The following DLST variants were observed in gnomAD, a reference collection of about 807,000 sequenced individuals.
The protein encoded by DLST is dihydrolipoyllysine-residue succinyltransferase component of 2-oxoglutarate dehydrogenase complex, mitochondrial.
Under a neutral mutation model 53.1 loss-of-function variants are expected in DLST, and 17 were observed. The ratio of observed to expected loss-of-function variants is 0.32; its 90% CI spans 0.22 to 0.48. DLST has a LOEUF of 0.48. Ranked by LOEUF, DLST falls within the 20% of genes least tolerant of loss-of-function variation. The pLI is 0.99. For missense variants in DLST, 512 were observed against 583.9 expected (o/e 0.88, Z 1.27); for synonymous variants, 206 against 204.8 (o/e 1.01, Z -0.05).
At chr14:74,891,945 A>T (rs959050341) in intron 7 of DLST, 32 of 718,762 alleles carry the variant, frequency 4.5e-5, no homozygotes, top group Middle Eastern at 6.9e-4. Context: ...TCTTAGCACT[A>T]ACCCTGGATA....
rs988913769 is a variant in DLST, at chr14:74,900,429, A to G, written c.1059+57A>G. 4 of 1,518,574 alleles carry G rather than the reference A, an allele frequency of 2.6e-6. No homozygotes were observed. In the Admixed American group the frequency reaches 6.7e-5, roughly 25 times the overall value. 94.1% of individuals were successfully genotyped at this position (1,518,574 alleles called of 1,614,324 possible). A position where few individuals can be genotyped will look rare whatever the true frequency, so the allele number is the denominator to read the frequency against. On this transcript the variant is annotated intron_variant, in intron 13 of 14. Transcript: ENST00000334220. Reference sequence around the variant, plus strand: ...GCAGGCGAGGGAAGAGAGCCTTCAGAAGGCTGGGCTCACTAGCAAGCAGTG... The same window carrying G: ...GCAGGCGAGGGAAGAGAGCCTTCAGGAGGCTGGGCTCACTAGCAAGCAGTG...
At position 74,891,807 on chromosome 14, in the gene DLST, A is replaced by G. The variant is rs1005778973; in HGVS notation, c.442+640A>G. On this transcript the variant is annotated intron_variant, in intron 7 of 14. Transcript: ENST00000334220. ...AGTCACAGAAGTCTATTTCTTTTTC[A>G]CTGTTACACTAATAAGGCAGATAGA... 11 of 985,292 alleles carry G rather than the reference A, an allele frequency of 1.1e-5. No homozygotes were observed. In the African/African-American group the frequency reaches 1.6e-4, roughly 14 times the overall value. 61.0% of individuals were successfully genotyped at this position (985,292 alleles called of 1,614,324 possible). A position where few individuals can be genotyped will look rare whatever the true frequency, so the allele number is the denominator to read the frequency against.
chr14:74,900,449 G>T, intron 13 of DLST, 77 bp downstream of exon 13: 1 of 1,350,454 alleles, frequency 7.4e-7, no homozygotes, highest in Non-Finnish European at 1.1e-6. Context: ...TCACTAGCAA[G>T]CAGTGCTCAT....
chr14:74,901,146 C>T lies in DLST; in HGVS notation c.1140C>T (p.Leu380=), dbSNP rs1170840523. ...GCAATGGAGGCGTTTTTGGCTCGCT[C>T]TTTGGAACACCCATTATCAACCCCC... ...TISNGGVFGS[L]FGTPIINPPQ... is the part of the protein sequence containing the mutation. Residue 380 remains leucine (L), a synonymous_variant, in exon 14 of 15, where the codon CTC becomes CTT. Transcript: ENST00000334220. 6.2e-7 allele frequency: 1 copy of T among 1,614,182 alleles called. No homozygotes were observed. Among genetic ancestry groups the T allele is most frequent in the Non-Finnish European group, 8.5e-7 (1 of 1,180,030 alleles).
At chr14:74,898,230 A>C in intron 10 of DLST, 139 bp from the exon 11 acceptor site, 2 of 1,061,120 alleles carry the variant, frequency 1.9e-6, no homozygotes, top group Non-Finnish European at 2.7e-6. Context: ...CCTCAGGTAG[A>C]CTATTTCAAA....
At chr14:74,895,593 A>G (rs144303814) in intron 10 of DLST, among the ~76,000 whole-genome samples, 8 of 152,200 alleles carry the variant, frequency 5.3e-5, no homozygotes, top group Non-Finnish European at 1.0e-4. Flanking sequence ...GTCTCTACAT[A>G]AAATTTAAAA....
chr14:74,892,872 G>C lies in DLST; in HGVS notation c.481G>C (p.Ala161Pro). Residue 161 changes from alanine (A) to proline (P), a missense_variant, in exon 8 of 15, where the codon GCT becomes CCT. Coordinates refer to ENST00000334220, the MANE Select transcript of DLST (RefSeq NM_001933.5). ...GGCCAAGCCGGCTGAAGCTCCTGCT[G>C]CTGCAGCCCCAAAAGCAGAACCTAC... ...AKAKPAEAPA[A>P]AAPKAEPTAA... The C allele has an allele frequency of 6.2e-7, 1 of 1,613,810 alleles. No individual in the cohort carries two copies. The highest frequency in any genetic ancestry group is 1.3e-5 in the African/African-American group (1 of 75,018).
chr14:74,886,728 G>A (rs1051509057), intron 3 of DLST, among the ~76,000 whole-genome samples: 7 of 151,992 alleles, frequency 4.6e-5, no homozygotes, highest in Non-Finnish European at 1.0e-4. Flanking sequence ...AGTCTTTGAA[G>A]TGTGTGTACC....
intron 3 of DLST, among the ~76,000 whole-genome samples, chr14:74,887,772 T>C (rs145086368): frequency 1.3e-3 from 203 of 152,382 alleles, no homozygotes; most frequent in Middle Eastern, 3.4e-3. Context: ...GCATGTACTT[T>C]ACAAGGTTAC....
intron 2 of DLST, among the ~76,000 whole-genome samples, chr14:74,885,095 G>T (rs567953483): frequency 1.1e-4 from 17 of 152,256 alleles, no homozygotes; most frequent in African/African-American, 4.1e-4. Context: ...CCAAGTCTTT[G>T]CTACTAGGAT....
At chr14:74,882,753 A>G (rs562557264) in intron 2 of DLST, 129 bp downstream of exon 2, 99 of 792,222 alleles carry the variant, frequency 1.2e-4, no homozygotes, top group South Asian at 6.4e-4. Flanking sequence ...GTGAGACGCA[A>G]TGCTACATAA....
At chr14:74,900,434 TGGG>T in intron 13 of DLST, 62 bp downstream of exon 13, 1 of 1,482,804 alleles carries the variant, frequency 6.7e-7, no homozygotes, top group Non-Finnish European at 9.4e-7. Flanking sequence ...TTCAGAAGGC[TGGG>T]CTCACTAGCA....
rs2140196965 is a variant in DLST, at chr14:74,894,300, TCTTA to T, written c.673-8_673-5del. 2 of 1,613,850 alleles carry T rather than the reference TCTTA, an allele frequency of 1.2e-6. No individual in the cohort carries two copies. Among genetic ancestry groups the T allele is most frequent in the Non-Finnish European group, 1.7e-6 (2 of 1,179,852 alleles). On this transcript the variant is annotated splice_polypyrimidine_tract_variant and splice_region_variant and intron_variant, in intron 9 of 14. Coordinates refer to ENST00000334220, the MANE Select transcript of DLST (RefSeq NM_001933.5). ...ATCAGATTGTCAATGCTTGTTCCAC[TCTTA>T]CTTTCAGGAGAAAATGAACAGGATG... is the stretch of plus-strand genomic sequence containing the variant.
rs752635420 is a variant in DLST, at chr14:74,882,429, CGTGTTGATTGGGTCTGCCAGCACGGT to C, written c.64-155_64-130del. ...AGTTGAGATAGTTTGGCAGGCCCAG[CGTGTTGATTGGGTCTGCCAGCACGGT>C]GTGTTGCATTTACCTTCGGAGTTAC... On this transcript the variant is annotated intron_variant, in intron 1 of 14. Coordinates refer to ENST00000334220, the MANE Select transcript of DLST (RefSeq NM_001933.5). 7.2e-3 allele frequency among the ~76,000 whole-genome samples: 1,099 copies of C among 152,252 alleles called. 8 individuals are homozygous for C. The highest frequency in any genetic ancestry group is 0.011 in the Admixed American group (170 of 15,296).
intron 8 of DLST, 149 bp from the exon 9 acceptor site, chr14:74,893,199 C>T: frequency 9.5e-7 from 1 of 1,047,120 alleles, no homozygotes; most frequent in Non-Finnish European, 1.4e-6. Flanking sequence ...TTTATCTGAA[C>T]AGATTGTTCA....
intron 9 of DLST, 123 bp downstream of exon 9, chr14:74,893,547 G>C: frequency 9.7e-7 from 1 of 1,028,464 alleles, no homozygotes. Context: ...CTTGATAAAG[G>C]GAGTTTAGGA....
At chr14:74,889,994 C>T (rs201059094) in intron 6 of DLST, 42 bp downstream of exon 6, 9 of 1,570,768 alleles carry the variant, frequency 5.7e-6, no homozygotes, top group Middle Eastern at 3.4e-4. Flanking sequence ...CATGGGCTTC[C>T]CTTAGTTAAC....
intron 3 of DLST, among the ~76,000 whole-genome samples, chr14:74,887,062 A>G (rs780018652): frequency 2.0e-5 from 3 of 152,164 alleles, no homozygotes; most frequent in Non-Finnish European, 2.9e-5. Flanking sequence ...TCATCTAGCA[A>G]TTCCATCTCT....
intron 1 of DLST, 80 bp downstream of exon 1, chr14:74,882,096 C>G (rs1296435059): frequency 1.8e-5 from 24 of 1,297,622 alleles, no homozygotes; most frequent in Non-Finnish European, 2.3e-5. Flanking sequence ...GGCAGGGGCG[C>G]GGCGCGCCGG....
Sources: allele counts gnomAD v4.1 joint callset (sites outside exome capture counted in the v4.1 genomes callset), GRCh38; gene constraint gnomAD v4.1.1; transcripts MANE v1.5; gene names NCBI Gene and HGNC (gene_info 2026-07-23, HGNC 2026-07-21).